IRAK1BP1: variants seen among roughly 807,000 people sequenced by gnomAD.
The protein encoded by IRAK1BP1 is interleukin-1 receptor-associated kinase 1-binding protein 1.
A neutral mutation model predicts 28.0 loss-of-function variants in IRAK1BP1; 24 were observed. That is an observed-to-expected ratio of 0.86 (90% CI 0.62 to 1.20). The LOEUF (loss-of-function observed/expected upper bound fraction) is 1.20, where lower values mean the gene tolerates loss of function less well. IRAK1BP1 is among the 50% of genes most tolerant of loss of function. The probability of loss-of-function intolerance (pLI) is 0.00; values close to 1 mark genes in which losing one functional copy is unlikely to be tolerated. For synonymous variants in IRAK1BP1, 131 were observed against 116.3 expected (o/e 1.13, Z -0.81); for missense variants, 336 against 316.7 (o/e 1.06, Z -0.46).
chr6:78,966,849 G>A, the IRAK1BP1 span, among the ~76,000 whole-genome samples: 1 of 152,232 alleles, frequency 6.6e-6, no homozygotes, highest in Non-Finnish European at 1.5e-5. Context: ...CTCGTGGCTA[G>A]CATAGGCTAG....
At chr6:78,969,181 C>T in the IRAK1BP1 span, among the ~76,000 whole-genome samples, 2 of 152,184 alleles carry the variant, frequency 1.3e-5, no homozygotes, top group Admixed American at 6.5e-5. Context: ...AGAGCACATA[C>T]AAGTTTTTAA....
chr6:78,967,764 T>G, the IRAK1BP1 span, among the ~76,000 whole-genome samples: 1 of 152,190 alleles, frequency 6.6e-6, no homozygotes, highest in Non-Finnish European at 1.5e-5. Flanking sequence ...GGTTATGAGC[T>G]CACTTCTGGA....
the IRAK1BP1 span, among the ~76,000 whole-genome samples, chr6:78,962,775 C>T: frequency 6.6e-6 from 1 of 152,146 alleles, no homozygotes; most frequent in South Asian, 2.1e-4. Context: ...TTTCAATCCT[C>T]CTCCTCCAAT....
At position 78,902,860 on chromosome 6, in the gene IRAK1BP1, G is replaced by A. The variant is rs911245300; in HGVS notation, c.*4526G>A. ...TCTTACAAGACTGTAGTTCACAGTGGGTAATTCAAATCAGACACTGCTCTT... is the reference window on the plus strand; with the variant it reads ...TCTTACAAGACTGTAGTTCACAGTGAGTAATTCAAATCAGACACTGCTCTT... On this transcript the variant is annotated 3_prime_UTR_variant, in exon 4 of 4. Coordinates refer to ENST00000369940, the MANE Select transcript of IRAK1BP1 (RefSeq NM_001010844.4). 3 of 605,594 alleles carry A rather than the reference G, an allele frequency of 5.0e-6. No individual in the cohort carries two copies. The highest frequency in any genetic ancestry group is 2.7e-4 in the Middle Eastern group (1 of 3,742). 37.5% of individuals were successfully genotyped at this position (605,594 alleles called of 1,614,324 possible). A position where few individuals can be genotyped will look rare whatever the true frequency, so the allele number is the denominator to read the frequency against.
At chr6:78,978,807 A>C in the IRAK1BP1 span, 3 of 966,832 alleles carry the variant, frequency 3.1e-6, no homozygotes, top group Non-Finnish European at 4.5e-6. Context: ...AATTAAATAA[A>C]AGGGGAAGGG....
chr6:78,875,281 G>A (rs1273979347), intron 1 of IRAK1BP1, among the ~76,000 whole-genome samples: 2 of 152,160 alleles, frequency 1.3e-5, no homozygotes, highest in East Asian at 3.8e-4. Flanking sequence ...TACTCTTGGT[G>A]GAAATGTAAA....
At position 78,898,159 on chromosome 6, in the gene IRAK1BP1, T is replaced by A. The variant is rs763877034; in HGVS notation, c.608T>A (p.Ile203Asn). 3 of 1,613,588 alleles carry A rather than the reference T, an allele frequency of 1.9e-6. No homozygotes were observed. The South Asian group carries it at 3.3e-5, about 18-fold the overall frequency. ...VGQTLGKPLLIKEEETKEWEG... is the reference protein window; with the variant it reads ...VGQTLGKPLLNKEEETKEWEG... ...CAAACCTTAGGAAAACCTTTACTAA[T>A]CAAAGAAGAAGAAACAAAAGAATGG... Residue 203 changes from isoleucine to asparagine, a missense_variant, in exon 4 of 4, where the codon ATC becomes AAC. Ile to Asn is a moderately radical substitution (Grantham distance 149). Transcript: ENST00000369940.
At chr6:78,916,158 C>G (rs2127663590) in intron 4 of IRAK1BP1, among the ~76,000 whole-genome samples, 1 of 152,272 alleles carries the variant, frequency 6.6e-6, no homozygotes, top group South Asian at 2.1e-4. Flanking sequence ...GATGAAGAGG[C>G]TAAAGTGAAG....
chr6:78,922,925 A>C (rs1305249500), intron 4 of IRAK1BP1, among the ~76,000 whole-genome samples: 2 of 152,220 alleles, frequency 1.3e-5, no homozygotes, highest in Non-Finnish European at 2.9e-5. Flanking sequence ...TGAAGGAAGC[A>C]CTAAACATGG....
chr6:78,890,118 C>T lies in IRAK1BP1; in HGVS notation c.381+4675C>T, dbSNP rs549326409. 5.3e-5 allele frequency among the ~76,000 whole-genome samples: 8 copies of T among 152,132 alleles called. No individual in the cohort carries two copies. In the South Asian group the frequency reaches 1.2e-3, roughly 24 times the overall value. ...AAAAAGGATGCGTTCATGTTCTTTG[C>T]GGGGACATGGATGAAGCTGGAAACC... On this transcript the variant is annotated intron_variant, in intron 2 of 3. Transcript: ENST00000369940.
At chr6:78,971,786 G>T in the IRAK1BP1 span, among the ~76,000 whole-genome samples, 50 of 152,256 alleles carry the variant, frequency 3.3e-4, no homozygotes, top group African/African-American at 1.2e-3. Context: ...CTGGAAAATC[G>T]GGTCACTCCC....
chr6:78,974,622 C>T, the IRAK1BP1 span, among the ~76,000 whole-genome samples: 8 of 152,072 alleles, frequency 5.3e-5, no homozygotes, highest in Non-Finnish European at 7.4e-5. Flanking sequence ...AATCGATAGA[C>T]CGCCAGCAAG....
chr6:78,963,013 A>C, the IRAK1BP1 span: 1 of 1,336,048 alleles, frequency 7.5e-7, no homozygotes, highest in Middle Eastern at 1.9e-4. Flanking sequence ...TTGTGAAAAA[A>C]AATTTTTGTT....
At chr6:78,931,794 AG>A (rs1297148072) in intron 4 of IRAK1BP1, among the ~76,000 whole-genome samples, 1 of 152,160 alleles carries the variant, frequency 6.6e-6, no homozygotes, top group Non-Finnish European at 1.5e-5. Context: ...CTGACTGATC[AG>A]GGTGGTGGTT....
intron 2 of IRAK1BP1, among the ~76,000 whole-genome samples, chr6:78,888,144 A>G (rs1157448427): frequency 6.6e-6 from 1 of 152,174 alleles, no homozygotes. Context: ...AGGAGTCTAA[A>G]ATAATCATAT....
chr6:78,972,146 G>C, the IRAK1BP1 span, among the ~76,000 whole-genome samples: 1 of 152,290 alleles, frequency 6.6e-6, no homozygotes, highest in East Asian at 1.9e-4. Context: ...GCTTTGAAGA[G>C]AGCAGTGGTT....
chr6:78,954,701 A>G, the IRAK1BP1 span: 1 of 688,310 alleles, frequency 1.5e-6, no homozygotes, highest in East Asian at 3.1e-5. Context: ...GAACATGTAT[A>G]AAATAATAAA....
chr6:78,913,622 G>A (rs1772482087), intron 4 of IRAK1BP1, among the ~76,000 whole-genome samples: 1 of 152,186 alleles, frequency 6.6e-6, no homozygotes, highest in Admixed American at 6.5e-5. Flanking sequence ...TCCAGCCTAG[G>A]TGATAGAGCG....
the IRAK1BP1 span, among the ~76,000 whole-genome samples, chr6:78,977,748 A>G: frequency 1.3e-5 from 2 of 152,190 alleles, no homozygotes; most frequent in African/African-American, 4.8e-5. Flanking sequence ...GTACTATATC[A>G]CAACAATGTG....
Sources: allele counts gnomAD v4.1 joint callset (sites outside exome capture counted in the v4.1 genomes callset), GRCh38; gene constraint gnomAD v4.1.1; transcripts MANE v1.5; gene names NCBI Gene and HGNC (gene_info 2026-07-23, HGNC 2026-07-21).